The following SF3B3 variants were observed in gnomAD, a reference collection of about 807,000 sequenced individuals.
The protein encoded by SF3B3 is splicing factor 3b subunit 3.
A neutral mutation model predicts 139.2 loss-of-function variants in SF3B3; 33 were observed. The observed-to-expected ratio is 0.24, with a 90% CI of 0.18 to 0.32. The LOEUF is 0.32. Ranked by LOEUF, SF3B3 falls within the 10% of genes least tolerant of loss-of-function variation. The probability of loss-of-function intolerance (pLI) is 1.00; values close to 1 mark genes in which losing one functional copy is unlikely to be tolerated. For missense variants in SF3B3, 818 were observed against 1,509.4 expected (o/e 0.54, Z 7.59); for synonymous variants, 596 against 563.6 (o/e 1.06, Z -0.81).
At position 70,556,256 on chromosome 16, in the gene SF3B3, C is replaced by T. The variant is rs772533473; in HGVS notation, c.1788C>T (p.Pro596=). ...DVVCMSLANV[P]PGEQRSRFLA... The stretch of plus-strand genomic sequence containing the variant: ...TGTGCATGAGTCTGGCCAATGTACC[C>T]CCTGGAGAGCAGCGGTCTCGCTTCC... The change falls in exon 14 of 26, where the codon CCC becomes CCT. Residue 596 remains proline, a synonymous_variant. Coordinates refer to ENST00000302516, the MANE Select transcript of SF3B3 (RefSeq NM_012426.5). 55 of 1,614,166 alleles carry T rather than the reference C, an allele frequency of 3.4e-5. 1 individual carries two copies. The South Asian group carries it at 5.9e-4, about 17-fold the overall frequency.
rs1356380455 is a variant in SF3B3 at position 70,526,914 on chromosome 16, A to T, written c.70+188A>T. 11 of 598,464 alleles carry T rather than the reference A, an allele frequency of 1.8e-5. No homozygotes were observed. The East Asian group carries it at 3.1e-4, about 17-fold the overall frequency. 37.1% of individuals were successfully genotyped at this position (598,464 alleles called of 1,614,324 possible). A position where few individuals can be genotyped will look rare whatever the true frequency, so the allele number is the denominator to read the frequency against. On this transcript the variant is annotated intron_variant, in intron 2 of 25. Coordinates refer to ENST00000302516, the MANE Select transcript of SF3B3 (RefSeq NM_012426.5). ...GTTACCTATTTCAGATGCATTTCCT[A>T]GTTCACAAATTGTGTAATGATTCTT... is the stretch of plus-strand genomic sequence containing the variant.
chr16:70,524,221 A>G (rs2050024191), intron 1 of SF3B3, among the ~76,000 whole-genome samples: 1 of 152,110 alleles, frequency 6.6e-6, no homozygotes, highest in Non-Finnish European at 1.5e-5. Context: ...GGAGGCATGG[A>G]TGTCTCCCTC....
chr16:70,536,381 T>C (rs1353236107), intron 6 of SF3B3, among the ~76,000 whole-genome samples: 1 of 152,062 alleles, frequency 6.6e-6, no homozygotes, highest in Admixed American at 6.6e-5. Context: ...TTTATTTATT[T>C]GAGACGGAGT....
intron 15 of SF3B3, among the ~76,000 whole-genome samples, chr16:70,557,352 C>T (rs986964059): frequency 3.9e-5 from 6 of 152,196 alleles, no homozygotes; most frequent in Admixed American, 3.9e-4. Flanking sequence ...GAATACCTCT[C>T]AGTTCATAAT....
intron 18 of SF3B3, among the ~76,000 whole-genome samples, chr16:70,564,838 A>C (rs2151793437): frequency 6.6e-6 from 1 of 152,200 alleles, no homozygotes; most frequent in East Asian, 1.9e-4. Flanking sequence ...GGTGTTTTCT[A>C]CTAATATGTA....
intron 13 of SF3B3, 150 bp from the exon 14 acceptor site, chr16:70,556,029 T>G: frequency 1.4e-6 from 1 of 698,666 alleles, no homozygotes; most frequent in East Asian, 2.7e-5. Context: ...GATAAATTCT[T>G]GTCATTTACT....
rs180690168 is a variant in SF3B3, at chr16:70,542,569, A to G, written c.1233+735A>G. On this transcript the variant is annotated intron_variant, in intron 9 of 25. Coordinates refer to ENST00000302516, the MANE Select transcript of SF3B3 (RefSeq NM_012426.5). ...TTGATCACACTTCTGATGGGAGAGG[A>G]GTTTGTTCACTGGGTACTGGGGAAA... Among the ~76,000 whole-genome samples, 153 of 152,248 alleles carry G rather than the reference A, an allele frequency of 1.0e-3. 1 individual carries two copies. Among genetic ancestry groups the G allele is most frequent in the African/African-American group, 3.2e-3 (134 of 41,544 alleles).
intron 25 of SF3B3, 82 bp from the exon 26 acceptor site, chr16:70,571,591 C>A: frequency 6.9e-7 from 1 of 1,448,058 alleles, no homozygotes. Context: ...AAACAGCTTT[C>A]CCTACAAGTG....
chr16:70,525,955 C>T (rs2050058705), intron 1 of SF3B3, among the ~76,000 whole-genome samples: 2 of 104,116 alleles, frequency 1.9e-5, no homozygotes, highest in Admixed American at 1.2e-4. Context: ...ATTGAGACGC[C>T]TCAAAAAAAA....
In SF3B3 at chr16:70,572,412, G is replaced by A. The variant is rs370810492; in HGVS notation, c.*599G>A. The A allele has an allele frequency of 5.5e-5, 11 of 198,670 alleles. No individual in the cohort carries two copies. The East Asian group carries it at 1.7e-3, about 31-fold the overall frequency. 12.3% of individuals were successfully genotyped at this position (198,670 alleles called of 1,614,324 possible). A position where few individuals can be genotyped will look rare whatever the true frequency, so the allele number is the denominator to read the frequency against. ...TCCTTCCAGATACCGACTTGGACTT[G>A]CGGCACTCTGTGGCTCCCCACCCCC... On this transcript the variant is annotated 3_prime_UTR_variant, in exon 26 of 26. Transcript: ENST00000302516.
Position 70,541,936 on chromosome 16 carries a change from G to A in SF3B3, c.1233+102G>A, listed in dbSNP as rs951297897. The stretch of plus-strand genomic sequence containing the variant: ...AGTATTTCCATGAACTCGCCAGTGT[G>A]TAAAGCAGTTAGAGGTAGAAGTTTG... On this transcript the variant is annotated intron_variant, in intron 9 of 25. Coordinates refer to ENST00000302516, the MANE Select transcript of SF3B3 (RefSeq NM_012426.5). 5.6e-6 allele frequency: 6 copies of A among 1,065,560 alleles called. No homozygotes were observed. In the Admixed American group the frequency reaches 1.4e-4, roughly 26 times the overall value. 66.0% of individuals were successfully genotyped at this position (1,065,560 alleles called of 1,614,324 possible).
At chr16:70,539,247 GA>G (rs1381662110) in intron 8 of SF3B3, 40 bp downstream of exon 8, 2 of 1,461,642 alleles carry the variant, frequency 1.4e-6, no homozygotes, top group Non-Finnish European at 1.9e-6. Context: ...CCCTGGTTGG[GA>G]TAAAAGTTGG....
intron 24 of SF3B3, 75 bp from the exon 25 acceptor site, chr16:70,571,020 G>A: frequency 1.0e-6 from 1 of 962,240 alleles, no homozygotes; most frequent in Non-Finnish European, 1.7e-6. Context: ...TGGCTTGTCT[G>A]TTCGTTGTGC....
At position 70,565,139 on chromosome 16, in the gene SF3B3, C is replaced by A; in HGVS notation, c.2538C>A (p.Asn846Lys). The change falls in exon 19 of 26, where the codon AAC becomes AAA. Residue 846 changes from asparagine to lysine, a missense_variant. Coordinates refer to ENST00000302516, the MANE Select transcript of SF3B3 (RefSeq NM_012426.5). The part of the protein sequence containing the change: ...AEMAAAFLNE[N>K]LPESIFGAPK... ...TGGCAGCAGCATTCCTCAATGAAAA[C>A]CTCCCTGAATCCATCTTTGGAGCTC... 1 of 1,614,134 alleles carries A rather than the reference C, an allele frequency of 6.2e-7. No individual in the cohort carries two copies. The highest frequency in any genetic ancestry group is 8.5e-7 in the Non-Finnish European group (1 of 1,180,034).
At chr16:70,556,757 A>T in intron 14 of SF3B3, 129 bp from the exon 15 acceptor site, 5 of 812,260 alleles carry the variant, frequency 6.2e-6, no homozygotes, top group Non-Finnish European at 9.9e-6. Context: ...CTCTCTTAGA[A>T]CTCACTCCCC....
intron 20 of SF3B3, 133 bp from the exon 21 acceptor site, chr16:70,567,278 A>G (rs2050485753): frequency 1.0e-6 from 1 of 958,974 alleles, no homozygotes; most frequent in Admixed American, 2.5e-5. Flanking sequence ...ACCCAGATTC[A>G]TTAGCAAAAT....
At chr16:70,571,236 G>C (rs375894325) in intron 25 of SF3B3, 37 bp downstream of exon 25, 102 of 1,445,460 alleles carry the variant, frequency 7.1e-5, no homozygotes, top group Non-Finnish European at 9.7e-6. Context: ...AGGGAGATCT[G>C]AGAAAGGAGC....
chr16:70,526,775 T>C (rs2151772785), intron 2 of SF3B3, 49 bp downstream of exon 2: 1 of 1,249,618 alleles, frequency 8.0e-7, no homozygotes, highest in African/African-American at 1.5e-5. Flanking sequence ...AATTAATACA[T>C]ATCTTGCTTA....
chr16:70,555,727 A>T (rs551248801), intron 13 of SF3B3, among the ~76,000 whole-genome samples: 60 of 152,304 alleles, frequency 3.9e-4, no homozygotes, highest in Non-Finnish European at 7.6e-4. Context: ...AAGGATGTTC[A>T]GTACACTTAA....
Sources: allele counts gnomAD v4.1 joint callset (sites outside exome capture counted in the v4.1 genomes callset), GRCh38; gene constraint gnomAD v4.1.1; transcripts MANE v1.5; gene names NCBI Gene and HGNC (gene_info 2026-07-23, HGNC 2026-07-21).